The following TASOR variants were observed in gnomAD, a reference collection of about 807,000 sequenced individuals.
TASOR encodes the protein protein TASOR.
TASOR carries 53 observed loss-of-function variants against 178.6 expected under a neutral mutation model. The ratio of observed to expected loss-of-function variants is 0.30; its 90% CI spans 0.24 to 0.37. The LOEUF is 0.37. Among genes scored for constraint, TASOR ranks in the 10% least tolerant of loss-of-function variants. The pLI is 1.00. For missense variants in TASOR, 1,815 were observed against 1,971.4 expected (o/e 0.92, Z 1.50); for synonymous variants, 713 against 696.2 (o/e 1.02, Z -0.38).
Position 56,666,355 on chromosome 3 carries a change from C to T in TASOR, c.927G>A (p.Glu309=). 6.5e-7 allele frequency: 1 copy of T among 1,532,788 alleles called. No homozygotes were observed. The highest frequency in any genetic ancestry group is 8.8e-7 in the Non-Finnish European group (1 of 1,140,000). 94.9% of individuals were successfully genotyped at this position (1,532,788 alleles called of 1,614,324 possible). Residue 309 remains glutamate, a synonymous_variant, in exon 7 of 24, where the codon GAG becomes GAA. Transcript: ENST00000683822. ...QYYFYEYGFD[E]LRRRPRHVCP... is the part of the protein sequence containing the mutation. Reference sequence around the variant, plus strand: ...AAACGTGTCTTGGTCTTCGCCTTAGCTCATCAAAGCCATACTCATAAAAAT... The same window carrying T: ...AAACGTGTCTTGGTCTTCGCCTTAGTTCATCAAAGCCATACTCATAAAAAT...
In TASOR at chr3:56,649,314, C is replaced by T. The variant is rs566391489; in HGVS notation, c.1369-257G>A. Among the ~76,000 whole-genome samples the T allele has an allele frequency of 1.2e-4, 18 of 152,278 alleles. No individual in the cohort carries two copies. In the East Asian group the frequency reaches 3.1e-3, roughly 26 times the overall value. On this transcript the variant is annotated intron_variant, in intron 11 of 23. Coordinates refer to ENST00000683822, the MANE Select transcript of TASOR (RefSeq NM_001365635.2). ...AAGAACTCCCCTAACTGCAAAACCA[C>T]GTTAATTTTTCCCTGAAGCTAAAAT...
chr3:56,659,754 C>T (rs1363179640), intron 11 of TASOR, among the ~76,000 whole-genome samples: 2 of 152,214 alleles, frequency 1.3e-5, no homozygotes. Flanking sequence ...ATCCAAATTT[C>T]CAAACACTTG....
intron 11 of TASOR, among the ~76,000 whole-genome samples, chr3:56,653,822 A>C (rs977053102): frequency 1.3e-5 from 2 of 152,214 alleles, no homozygotes; most frequent in South Asian, 2.1e-4. Context: ...TTAAAAAAAA[A>C]TTGGAAACTA....
At chr3:56,654,393 T>C (rs1471372571) in intron 11 of TASOR, among the ~76,000 whole-genome samples, 1 of 20,650 alleles carries the variant, frequency 4.8e-5, no homozygotes, top group African/African-American at 5.2e-4. Context: ...GTGGCAGGGG[T>C]GGGCGGGGTT....
intron 5 of TASOR, among the ~76,000 whole-genome samples, 181 bp downstream of exon 5, chr3:56,669,519 A>T (rs535166150): frequency 7.0e-4 from 106 of 152,278 alleles, no homozygotes; most frequent in African/African-American, 2.6e-3. Flanking sequence ...AAAACCAAAA[A>T]ACAAAAAACA....
At chr3:56,654,700 ACCCTAACC>A (rs2077432295) in intron 11 of TASOR, among the ~76,000 whole-genome samples, 1 of 152,146 alleles carries the variant, frequency 6.6e-6, no homozygotes, top group African/African-American at 2.4e-5. Flanking sequence ...TGAAAGGCAA[ACCCTAACC>A]CCCACAACAA....
Position 56,621,666 on chromosome 3 carries a change from T to G in TASOR, c.*1371A>C. 1 of 1,297,926 alleles carries G rather than the reference T, an allele frequency of 7.7e-7. No homozygotes were observed. The highest frequency in any genetic ancestry group is 1.1e-6 in the Non-Finnish European group (1 of 916,004). The allele number at this position is 1,297,926 out of a possible 1,614,324, so 80.4% of individuals were successfully genotyped here. A position where few individuals can be genotyped will look rare whatever the true frequency, so the allele number is the denominator to read the frequency against. On this transcript the variant is annotated 3_prime_UTR_variant, in exon 24 of 24. Coordinates refer to ENST00000683822, the MANE Select transcript of TASOR (RefSeq NM_001365635.2). ...CATTTGATTTGTGTCTTCCAAATTATAAAATGTGCTCACTGGCTCAACTGT... is the reference window on the plus strand; with the variant it reads ...CATTTGATTTGTGTCTTCCAAATTAGAAAATGTGCTCACTGGCTCAACTGT...
intron 18 of TASOR, among the ~76,000 whole-genome samples, chr3:56,629,417 A>T (rs1349349637): frequency 1.3e-5 from 2 of 152,130 alleles, no homozygotes; most frequent in Non-Finnish European, 2.9e-5. Flanking sequence ...AGCAGTATTA[A>T]CTGGGATAAA....
chr3:56,649,895 G>C (rs931857737), intron 11 of TASOR, among the ~76,000 whole-genome samples: 6 of 152,160 alleles, frequency 3.9e-5, no homozygotes, highest in African/African-American at 1.4e-4. Flanking sequence ...AACAGGGTGA[G>C]GACAGACTAG....
chr3:56,680,124 G>A (rs1054698174), intron 1 of TASOR, among the ~76,000 whole-genome samples: 2 of 152,112 alleles, frequency 1.3e-5, no homozygotes, highest in Admixed American at 6.6e-5. Context: ...TGGGTAGCAA[G>A]ATTTTTCTTT....
At chr3:56,678,039 G>A (rs1043451736) in intron 1 of TASOR, among the ~76,000 whole-genome samples, 6 of 152,016 alleles carry the variant, frequency 3.9e-5, no homozygotes, top group Non-Finnish European at 5.9e-5. Context: ...AGATTTACAA[G>A]GGCACTTAGA....
At chr3:56,660,464 C>T (rs2077569835) in intron 11 of TASOR, among the ~76,000 whole-genome samples, 1 of 139,280 alleles carries the variant, frequency 7.2e-6, no homozygotes, top group Non-Finnish European at 1.5e-5. Context: ...GTACTCCATC[C>T]TGGTGAGACA....
rs879167719 is a variant in TASOR at position 56,623,133 on chromosome 3, TAAG to T, written c.4914_4916del (p.Phe1638del). ...TATCCAAGCTTTCAGTATAAGCAGATAAGAAGTAATTCTCATTTTCTTGAGACT... is the reference window on the plus strand; with the variant it reads ...TATCCAAGCTTTCAGTATAAGCAGATAAGTAATTCTCATTTTCTTGAGACT... On this transcript the variant is annotated inframe_deletion, in exon 24 of 24. Coordinates refer to ENST00000683822, the MANE Select transcript of TASOR (RefSeq NM_001365635.2). 3.7e-6 allele frequency: 6 copies of T among 1,613,752 alleles called. No homozygotes were observed. In the East Asian group the frequency reaches 1.1e-4, roughly 30 times the overall value.
At chr3:56,659,119 T>A (rs2107606836) in intron 11 of TASOR, among the ~76,000 whole-genome samples, 1 of 152,290 alleles carries the variant, frequency 6.6e-6, no homozygotes, top group Non-Finnish European at 1.5e-5. Context: ...ACAGACTGAT[T>A]AAGCACATAT....
At chr3:56,636,716 G>A (rs1047570305) in intron 17 of TASOR, among the ~76,000 whole-genome samples, 9 of 151,534 alleles carry the variant, frequency 5.9e-5, no homozygotes, top group Non-Finnish European at 1.2e-4. Context: ...AAAACTTATT[G>A]CCATTAAATA....
rs1205399290 is a variant in TASOR at position 56,627,121 on chromosome 3, A to C, written c.4055T>G (p.Phe1352Cys). The change falls in exon 21 of 24, where the codon TTC (phenylalanine) becomes TGC (cysteine). Residue 1352 changes from phenylalanine to cysteine, a missense_variant. Transcript: ENST00000683822. Reference protein sequence around the residue: ...TVENLKNFLTFLEELSTPEGK... With the variant: ...TVENLKNFLTCLEELSTPEGK... ...TTCTGGAGTACTAAGTTCCTCAAGG[A>C]ATGTCAAAAAATTTTTAAGGTTCTC... 3.7e-6 allele frequency: 6 copies of C among 1,609,490 alleles called. No individual in the cohort carries two copies. The highest frequency in any genetic ancestry group is 1.1e-5 in the South Asian group (1 of 90,354).
chr3:56,675,872 A>G (rs990627663), intron 1 of TASOR, among the ~76,000 whole-genome samples: 12 of 152,242 alleles, frequency 7.9e-5, no homozygotes, highest in African/African-American at 2.9e-4. Context: ...AGAGCCATTC[A>G]TCCATTCATT....
In TASOR at chr3:56,641,678, C is replaced by T. The variant is rs1272712821; in HGVS notation, c.2290G>A (p.Gly764Ser). The T allele has an allele frequency of 1.2e-6, 2 of 1,614,148 alleles. No individual in the cohort carries two copies. The highest frequency in any genetic ancestry group is 1.7e-6 in the Non-Finnish European group (2 of 1,180,026). Residue 764 changes from glycine (G) to serine (S), a missense_variant, in exon 15 of 24, where the codon GGC (glycine) becomes AGC (serine). Physicochemically the swap from Gly to Ser is moderately conservative, Grantham distance 56. Transcript: ENST00000683822. ...RRQQQDTCNS[G>S]IADIHRLFNW... is the part of the protein sequence containing the mutation. ...AACAGCCTATGGATGTCAGCAATGC[C>T]GGAGTTACAGGTATCCTGCTGCTGC...
In TASOR at chr3:56,641,569, C is replaced by T. The variant is rs767187499; in HGVS notation, c.2399G>A (p.Ser800Asn). ...CAGCTCTTCATAGGCATCATCAGTG[C>T]TCAATCCTAAGGCTTTGTTGACTGT... ...TDTVNKALGL[S>N]TDDAYEELRQ... Residue 800 changes from serine to asparagine, a missense_variant, in exon 15 of 24, where the codon AGC (serine) becomes AAC (asparagine). By Grantham distance (46) the Ser-to-Asn change is conservative. Coordinates refer to ENST00000683822, the MANE Select transcript of TASOR (RefSeq NM_001365635.2). 3 of 1,614,094 alleles carry T rather than the reference C, an allele frequency of 1.9e-6. No individual in the cohort carries two copies. In the East Asian group the frequency reaches 6.7e-5, roughly 36 times the overall value.
Sources: gnomAD v4.1 joint callset for allele counts (sites outside exome capture counted in the v4.1 genomes callset) on GRCh38, gnomAD v4.1.1 for gene constraint, MANE v1.5 for transcripts, NCBI Gene and HGNC (gene_info 2026-07-23, HGNC 2026-07-21) for gene names.